ARHGEF28: variants seen among roughly 807,000 people sequenced by gnomAD.
ARHGEF28 encodes the protein 190 kDa guanine nucleotide exchange factor.
ARHGEF28 carries 152 observed loss-of-function variants against 206.6 expected under a neutral mutation model. The observed-to-expected ratio is 0.74, with a 90% confidence interval of 0.64 to 0.84. The LOEUF (loss-of-function observed/expected upper bound fraction) is 0.84, where lower values mean the gene tolerates loss of function less well. ARHGEF28 is among the 40% of genes least tolerant of loss of function. The pLI, the probability that ARHGEF28 is intolerant of heterozygous loss-of-function variation, is 0.00. For synonymous variants in ARHGEF28, 763 were observed against 776.4 expected (o/e 0.98, Z 0.29); for missense variants, 2,028 against 2,073.2 (o/e 0.98, Z 0.42).
chr5:73,926,694 T>C (rs1288291599), intron 35 of ARHGEF28, among the ~76,000 whole-genome samples: 1 of 152,218 alleles, frequency 6.6e-6, no homozygotes, highest in African/African-American at 2.4e-5. Flanking sequence ...CTTTCTCCTC[T>C]CTGAAGTGTT....
At chr5:73,655,900 A>C (rs1374078731) in intron 1 of ARHGEF28, among the ~76,000 whole-genome samples, 1 of 152,232 alleles carries the variant, frequency 6.6e-6, no homozygotes, top group Non-Finnish European at 1.5e-5. Context: ...CGGTTTTCTC[A>C]CAAAATGGTT....
chr5:73,698,267 A>T (rs1748342722), intron 2 of ARHGEF28, among the ~76,000 whole-genome samples: 1 of 152,182 alleles, frequency 6.6e-6, no homozygotes, highest in African/African-American at 2.4e-5. Context: ...ATTGTAGTTA[A>T]AATACCCCAC....
At chr5:73,699,188 TG>T (rs1748427320) in intron 2 of ARHGEF28, among the ~76,000 whole-genome samples, 1 of 151,692 alleles carries the variant, frequency 6.6e-6, no homozygotes, top group Admixed American at 6.6e-5. Flanking sequence ...TGTGTATGTG[TG>T]TTTGTGTGTG....
At chr5:73,806,503 A>G (rs1755475622) in intron 9 of ARHGEF28, among the ~76,000 whole-genome samples, 1 of 118,624 alleles carries the variant, frequency 8.4e-6, no homozygotes, top group Non-Finnish European at 1.7e-5. Flanking sequence ...TATATAGTAT[A>G]TATCTATATA....
intron 28 of ARHGEF28, among the ~76,000 whole-genome samples, chr5:73,893,739 C>T (rs572533586): frequency 1.9e-4 from 29 of 152,252 alleles, no homozygotes; most frequent in African/African-American, 6.3e-4. Flanking sequence ...TTTAAAAATA[C>T]GGATGCCTGG....
intron 2 of ARHGEF28, among the ~76,000 whole-genome samples, chr5:73,703,647 T>TTGAGTG (rs146446598): frequency 7.2e-6 from 1 of 139,610 alleles, no homozygotes; most frequent in African/African-American, 2.5e-5. Flanking sequence ...TTTCCCAGCA[T>TTGAGTG]TGTGTGTGTG....
intron 2 of ARHGEF28, among the ~76,000 whole-genome samples, chr5:73,719,511 C>T (rs868138012): frequency 2.6e-5 from 4 of 151,720 alleles, no homozygotes; most frequent in Non-Finnish European, 5.9e-5. Flanking sequence ...AAAAATCATA[C>T]TTGGGATTTC....
chr5:73,722,542 T>C (rs1344324918), intron 2 of ARHGEF28, among the ~76,000 whole-genome samples: 2 of 152,234 alleles, frequency 1.3e-5, no homozygotes, highest in Non-Finnish European at 2.9e-5. Flanking sequence ...AACGCTTTGT[T>C]TATCTTTTAG....
At chr5:73,701,424 A>G (rs1255803536) in intron 2 of ARHGEF28, among the ~76,000 whole-genome samples, 1 of 152,158 alleles carries the variant, frequency 6.6e-6, no homozygotes, top group African/African-American at 2.4e-5. Context: ...GGTAACCGCC[A>G]TTGTGCTCTT....
intron 26 of ARHGEF28, among the ~76,000 whole-genome samples, chr5:73,889,049 A>G (rs1761470389): frequency 6.6e-6 from 1 of 152,106 alleles, no homozygotes; most frequent in Non-Finnish European, 1.5e-5. Context: ...CTGTTCATAC[A>G]CTCCTGAGTT....
At chr5:73,934,030 C>T (rs182992963) in intron 35 of ARHGEF28, among the ~76,000 whole-genome samples, 119 of 151,550 alleles carry the variant, frequency 7.9e-4, no homozygotes, top group East Asian at 4.1e-3. Flanking sequence ...GTTCTGTTGC[C>T]GCCTTTAAAA....
chr5:73,640,410 G>A lies in ARHGEF28; in HGVS notation c.-12+14088G>A, dbSNP rs140469371. 3.5e-3 allele frequency among the ~76,000 whole-genome samples: 540 copies of A among 152,250 alleles called. 5 individuals carry two copies. The highest frequency in any genetic ancestry group is 0.012 in the African/African-American group (503 of 41,540). On this transcript the variant is annotated intron_variant, in intron 1 of 35. Coordinates refer to ENST00000513042, the MANE Select transcript of ARHGEF28 (RefSeq NM_001177693.2). ...AGAATGCCATTTAGCTACCAGTTTGGCAGAGATATGATATTTATAGTGCCA... is the reference window on the plus strand; with the variant it reads ...AGAATGCCATTTAGCTACCAGTTTGACAGAGATATGATATTTATAGTGCCA...
intron 9 of ARHGEF28, among the ~76,000 whole-genome samples, chr5:73,820,031 G>A (rs529583088): frequency 4.0e-4 from 61 of 152,222 alleles, no homozygotes; most frequent in African/African-American, 1.4e-3. Context: ...TTCCTTGAAG[G>A]CGGCCAGCCC....
At position 73,894,539 on chromosome 5, in the gene ARHGEF28, C is replaced by T; in HGVS notation, c.3805C>T (p.Gln1269Ter). 1.2e-6 allele frequency: 2 copies of T among 1,613,878 alleles called. No homozygotes were observed. Among genetic ancestry groups the T allele is most frequent in the Non-Finnish European group, 1.7e-6 (2 of 1,179,878 alleles). ...TAAACCTGACCCAGGCGAGCCTCCC[C>T]AGGCAGCCTCATTACTGGCAGCAGC... is the stretch of plus-strand genomic sequence containing the variant. ...LIKPDPGEPP[Q>*]AASLLAAALK... is the part of the protein sequence containing the mutation. The change falls in exon 29 of 36, where the codon CAG becomes TAG. Residue 1269 changes from glutamine to a stop codon, truncating the protein, a stop_gained. Coordinates refer to ENST00000513042, the MANE Select transcript of ARHGEF28 (RefSeq NM_001177693.2). LOFTEE classifies it high-confidence loss of function.
chr5:73,801,531 G>C (rs769505818), intron 9 of ARHGEF28, among the ~76,000 whole-genome samples: 13 of 152,168 alleles, frequency 8.5e-5, no homozygotes, highest in Non-Finnish European at 1.5e-4. Flanking sequence ...CCTGTGAGTG[G>C]AAGCTGACCC....
At chr5:73,899,059 T>G (rs1254700199) in intron 30 of ARHGEF28, 1 of 151,940 alleles carries the variant, frequency 6.6e-6, no homozygotes, top group Non-Finnish European at 1.5e-5. Context: ...ACTTCTTTTT[T>G]TTTTCTTTTT....
At chr5:73,778,076 TAA>T (rs11378540) in intron 6 of ARHGEF28, 7 of 140,664 alleles carry the variant, frequency 5.0e-5, no homozygotes, top group Admixed American at 7.1e-5. Context: ...AGACTCCGTC[TAA>T]AAAAAAAAAA....
At position 73,898,317 on chromosome 5, in the gene ARHGEF28, G is replaced by A. The variant is rs886185808; in HGVS notation, c.3973+224G>A. 2.0e-5 allele frequency: 8 copies of A among 397,462 alleles called. 1 individual carries two copies. In the South Asian group the frequency reaches 2.1e-4, roughly 10 times the overall value. The allele number at this position is 397,462 out of a possible 1,614,324, so 24.6% of individuals were successfully genotyped here. On this transcript the variant is annotated intron_variant, in intron 30 of 35. Transcript: ENST00000513042. The stretch of plus-strand genomic sequence containing the variant: ...TATGAGGATCTAAAGAGTAGTTGGT[G>A]GGTTATACTGCTCTGTTTGCCGGCC...
intron 2 of ARHGEF28, among the ~76,000 whole-genome samples, chr5:73,713,666 G>A (rs528141421): frequency 3.3e-5 from 5 of 152,276 alleles, no homozygotes; most frequent in African/African-American, 4.8e-5. Context: ...GAGGGTAAGC[G>A]AGAAAGGTCA....
Sources: allele counts gnomAD v4.1 joint callset (sites outside exome capture counted in the v4.1 genomes callset), GRCh38; gene constraint gnomAD v4.1.1; transcripts MANE v1.5; gene names NCBI Gene and HGNC (gene_info 2026-07-23, HGNC 2026-07-21).